CDH4: variants seen among roughly 807,000 people sequenced by gnomAD.
CDH4 encodes the protein cadherin-4.
Under a neutral mutation model 86.0 loss-of-function variants are expected in CDH4, and 33 were observed. That is an observed-to-expected ratio of 0.38 (90% CI 0.29 to 0.51). CDH4 has a LOEUF of 0.51. Among genes scored for constraint, CDH4 ranks in the 20% least tolerant of loss-of-function variants. CDH4 has a pLI of 0.86. For missense variants in CDH4, 1,114 were observed against 1,307.4 expected (o/e 0.85, Z 2.28); for synonymous variants, 555 against 549.4 (o/e 1.01, Z -0.14).
intron 2 of CDH4, among the ~76,000 whole-genome samples, chr20:61,576,705 C>CA (rs1469459015): frequency 3.9e-5 from 6 of 152,194 alleles, no homozygotes; most frequent in African/African-American, 1.4e-4. Flanking sequence ...CCACTGCTGC[C>CA]ACTCAGCACC....
chr20:61,367,864 G>C (rs114123545), intron 2 of CDH4, among the ~76,000 whole-genome samples: 3 of 144,176 alleles, frequency 2.1e-5, no homozygotes, highest in African/African-American at 2.6e-5. Flanking sequence ...CTTTCTCCAG[G>C]ATCTTTTTTT....
At chr20:61,695,082 A>G (rs1378052653) in intron 2 of CDH4, among the ~76,000 whole-genome samples, 3 of 152,260 alleles carry the variant, frequency 2.0e-5, no homozygotes, top group Non-Finnish European at 4.4e-5. Context: ...TAGAAGGATC[A>G]AAACAGCCAT....
intron 2 of CDH4, among the ~76,000 whole-genome samples, chr20:61,505,760 C>G (rs1461889282): frequency 6.6e-6 from 1 of 151,544 alleles, no homozygotes; most frequent in African/African-American, 2.4e-5. Context: ...AGTCTTCACT[C>G]CCAGGACGCT....
In CDH4 at chr20:61,825,239, T is replaced by C. The variant is rs372674973; in HGVS notation, c.577-19429T>C. Among the ~76,000 whole-genome samples, 10 of 152,134 alleles carry C rather than the reference T, an allele frequency of 6.6e-5. No individual in the cohort carries two copies. In the South Asian group the frequency reaches 2.1e-3, roughly 32 times the overall value. On this transcript the variant is annotated intron_variant, in intron 4 of 15. Coordinates refer to ENST00000614565, the MANE Select transcript of CDH4 (RefSeq NM_001794.5). ...CTGGGCAAAATGGTGAAACCCCATCTCTACTAAAAAATACAAAAAATTAGC... is the reference window on the plus strand; with the variant it reads ...CTGGGCAAAATGGTGAAACCCCATCCCTACTAAAAAATACAAAAAATTAGC...
intron 2 of CDH4, among the ~76,000 whole-genome samples, chr20:61,349,135 TA>T (rs879446370): frequency 1.3e-5 from 2 of 152,236 alleles, no homozygotes; most frequent in Non-Finnish European, 2.9e-5. Flanking sequence ...AGTTCCTGTC[TA>T]TATGGAACAT....
intron 2 of CDH4, among the ~76,000 whole-genome samples, chr20:61,318,249 C>G (rs2084488335): frequency 6.6e-6 from 1 of 152,188 alleles, no homozygotes. Context: ...GTATGTTCCT[C>G]TCCATCTGGA....
chr20:61,351,633 G>C (rs999752829), intron 2 of CDH4, among the ~76,000 whole-genome samples: 9 of 152,154 alleles, frequency 5.9e-5, no homozygotes, highest in African/African-American at 1.4e-4. Flanking sequence ...AATCATATCA[G>C]GGCAATGGGA....
chr20:61,927,815 C>T (rs904175572), intron 11 of CDH4, among the ~76,000 whole-genome samples: 9 of 152,152 alleles, frequency 5.9e-5, no homozygotes, highest in Admixed American at 2.0e-4. Context: ...CCGCTGTGTG[C>T]GTGTGTGCAG....
intron 2 of CDH4, among the ~76,000 whole-genome samples, chr20:61,636,283 T>C (rs1334217858): frequency 1.3e-5 from 2 of 152,224 alleles, no homozygotes; most frequent in African/African-American, 2.4e-5. Context: ...CTCAATGGAA[T>C]GTGGCAACAG....
chr20:61,371,892 G>A (rs538512710), intron 2 of CDH4, among the ~76,000 whole-genome samples: 3 of 152,328 alleles, frequency 2.0e-5, no homozygotes, highest in African/African-American at 7.2e-5. Flanking sequence ...CCTCGCCCCT[G>A]GCCAAGTGTT....
intron 2 of CDH4, among the ~76,000 whole-genome samples, chr20:61,606,664 G>A (rs915346464): frequency 6.6e-6 from 1 of 152,242 alleles, no homozygotes; most frequent in African/African-American, 2.4e-5. Flanking sequence ...AGTGCACCCC[G>A]CCGCTCCTCA....
At chr20:61,822,654 C>A (rs1299554640) in intron 4 of CDH4, among the ~76,000 whole-genome samples, 1 of 152,210 alleles carries the variant, frequency 6.6e-6, no homozygotes, top group African/African-American at 2.4e-5. Context: ...CCCCGACGCC[C>A]CTGCTTCCCC....
intron 2 of CDH4, among the ~76,000 whole-genome samples, chr20:61,318,458 C>T (rs2084489917): frequency 6.6e-6 from 1 of 152,072 alleles, no homozygotes; most frequent in Non-Finnish European, 1.5e-5. Context: ...TCTCCTTTAC[C>T]CCTTGCCTCA....
chr20:61,844,044 C>T (rs1982308710), intron 4 of CDH4, among the ~76,000 whole-genome samples: 1 of 152,160 alleles, frequency 6.6e-6, no homozygotes, highest in Admixed American at 6.5e-5. Context: ...TACCAGTGTC[C>T]TTTCTGTTTC....
intron 3 of CDH4, among the ~76,000 whole-genome samples, chr20:61,746,457 T>C (rs1422373184): frequency 6.6e-6 from 1 of 152,268 alleles, no homozygotes; most frequent in South Asian, 2.1e-4. Context: ...TGGAAGTGGG[T>C]GCTGTTACAT....
intron 2 of CDH4, among the ~76,000 whole-genome samples, chr20:61,560,803 C>T (rs897820552): frequency 6.6e-6 from 1 of 152,218 alleles, no homozygotes; most frequent in African/African-American, 2.4e-5. Flanking sequence ...CTCAGTCTGT[C>T]CATCCGGGGA....
chr20:61,532,014 G>C (rs6061272), intron 2 of CDH4, among the ~76,000 whole-genome samples: 5 of 152,306 alleles, frequency 3.3e-5, no homozygotes, highest in Admixed American at 6.5e-5. Context: ...GGAAAGCGTC[G>C]GCCAGTCTCA....
In CDH4 at chr20:61,728,490, G is replaced by A. The variant is rs148685743; in HGVS notation, c.170-15073G>A. ...GGGAGTGCCAAGCAACATGAGGCTC[G>A]TGAGGGTGGGGAGTGGCAGTGAGCC... On this transcript the variant is annotated intron_variant, in intron 2 of 15. Coordinates refer to ENST00000614565, the MANE Select transcript of CDH4 (RefSeq NM_001794.5). 5.3e-5 allele frequency among the ~76,000 whole-genome samples: 8 copies of A among 152,276 alleles called. No individual in the cohort carries two copies. The South Asian group carries it at 6.2e-4, about 12-fold the overall frequency.
chr20:61,874,276 T>C (rs889892163), intron 7 of CDH4, among the ~76,000 whole-genome samples: 1 of 151,898 alleles, frequency 6.6e-6, no homozygotes, highest in Non-Finnish European at 1.5e-5. Context: ...ACCCACCCCT[T>C]CTGGGCCTGG....
Sources: allele counts gnomAD v4.1 joint callset (sites outside exome capture counted in the v4.1 genomes callset), GRCh38; gene constraint gnomAD v4.1.1; transcripts MANE v1.5; gene names NCBI Gene and HGNC (gene_info 2026-07-23, HGNC 2026-07-21).